Variants in RBM4B observed in about 807,000 individuals in gnomAD.
RBM4B encodes RNA binding motif protein 4B.
RBM4B carries 13 observed loss-of-function variants against 28.5 expected under a neutral mutation model. The ratio of observed to expected loss-of-function variants is 0.46; its 90% CI spans 0.30 to 0.72. The LOEUF is 0.72. Ranked by LOEUF, RBM4B falls within the 30% of genes least tolerant of loss-of-function variation. The probability of loss-of-function intolerance (pLI) is 0.09; values close to 1 mark genes in which losing one functional copy is unlikely to be tolerated. For synonymous variants in RBM4B, 167 were observed against 179.1 expected (o/e 0.93, Z 0.54); for missense variants, 387 against 477.6 (o/e 0.81, Z 1.77).
At chr11:66,670,641 A>C (rs1211222629) in intron 2 of RBM4B, among the ~76,000 whole-genome samples, 1 of 152,196 alleles carries the variant, frequency 6.6e-6, no homozygotes, top group Admixed American at 6.5e-5. Flanking sequence ...CCCAGGTTGC[A>C]CAAGACTCTC....
At chr11:66,674,123 T>A (rs1440435346) in intron 2 of RBM4B, among the ~76,000 whole-genome samples, 2 of 152,058 alleles carry the variant, frequency 1.3e-5, no homozygotes, top group Non-Finnish European at 2.9e-5. Context: ...ACCTGCCTTA[T>A]TAAAACACAT....
intron 2 of RBM4B, chr11:66,670,938 T>C: frequency 1.4e-6 from 1 of 702,574 alleles, no homozygotes. Context: ...TAACAGACCT[T>C]CTTCTGGATG....
intron 2 of RBM4B, among the ~76,000 whole-genome samples, chr11:66,671,343 C>T (rs1939457842): frequency 6.6e-6 from 1 of 152,184 alleles, no homozygotes. Flanking sequence ...ATTTCTGCCA[C>T]AATTTATATC....
Position 66,677,852 on chromosome 11 carries a change from C to T in RBM4B, c.-101G>A, listed in dbSNP as rs1234939250. On this transcript the variant is annotated 5_prime_UTR_variant, in exon 1 of 4. Coordinates refer to ENST00000310046, the MANE Select transcript of RBM4B (RefSeq NM_031492.4). Reference sequence around the variant, plus strand: ...CGCTCGAGCCTGGACGCGACCGGGCCCTTTCTCGCGCGCCAGCTCACGCAC... The same window carrying T: ...CGCTCGAGCCTGGACGCGACCGGGCTCTTTCTCGCGCGCCAGCTCACGCAC... 1 of 152,712 alleles carries T rather than the reference C, an allele frequency of 6.5e-6. No individual in the cohort carries two copies. The highest frequency in any genetic ancestry group is 2.4e-5 in the African/African-American group (1 of 41,478). 9.5% of individuals were successfully genotyped at this position (152,712 alleles called of 1,614,324 possible).
At chr11:66,671,047 G>A in intron 2 of RBM4B, 1 of 702,218 alleles carries the variant, frequency 1.4e-6, no homozygotes, top group Non-Finnish European at 2.6e-6. Flanking sequence ...CCCTGAGAGG[G>A]GAGCGGGTTA....
chr11:66,677,386 A>T, intron 1 of RBM4B: 1 of 447,458 alleles, frequency 2.2e-6, no homozygotes, highest in Non-Finnish European at 4.0e-6. Context: ...GAGGGAAGAG[A>T]AAAGCCCAAG....
intron 3 of RBM4B, chr11:66,665,871 T>A: frequency 6.5e-7 from 1 of 1,533,482 alleles, no homozygotes; most frequent in South Asian, 1.2e-5. Context: ...ATAACCCCTG[T>A]GACAGAAGGC....
At chr11:66,675,054 C>T (rs142337799) in intron 2 of RBM4B, among the ~76,000 whole-genome samples, 242 of 152,210 alleles carry the variant, frequency 1.6e-3, no homozygotes, top group African/African-American at 5.6e-3. Context: ...AATTAAGATA[C>T]TTTTAAAAGC....
In RBM4B at chr11:66,665,457, G is replaced by T; in HGVS notation, c.*131C>A. 1.3e-6 allele frequency: 1 copy of T among 768,804 alleles called. No homozygotes were observed. Among genetic ancestry groups the T allele is most frequent in the Non-Finnish European group, 2.2e-6 (1 of 456,846 alleles). 47.6% of individuals were successfully genotyped at this position (768,804 alleles called of 1,614,324 possible). A position where few individuals can be genotyped will look rare whatever the true frequency, so the allele number is the denominator to read the frequency against. ...AGAATTAAGAAAGAAAACATAGTTG[G>T]TCACAAACTCCTTTTGTTTACTGAA... On this transcript the variant is annotated 3_prime_UTR_variant, in exon 4 of 4. Transcript: ENST00000310046.
chr11:66,668,668 C>T lies in RBM4B; in HGVS notation c.1036G>A (p.Glu346Lys), dbSNP rs752286577. The T allele has an allele frequency of 1.2e-6, 2 of 1,613,832 alleles. No individual in the cohort carries two copies. Among genetic ancestry groups the T allele is most frequent in the South Asian group, 2.2e-5 (2 of 91,080 alleles). The stretch of plus-strand genomic sequence containing the variant: ...GCTCGGTCCACATACTGCTCCCGTT[C>T]ATACCGGGCCATGTCATACAGAGAA... ...RNSLYDMARY[E>K]REQYVDRARY... The change falls in exon 3 of 4, where the codon GAA becomes AAA. Residue 346 changes from glutamate (E) to lysine (K), a missense_variant. By Grantham distance (56) the Glu-to-Lys change is moderately conservative. Around this residue, in one of 2 missense-constraint regions of RBM4B, gnomAD observed 226 missense variants for 220.6 expected, o/e 1.02. Coordinates refer to ENST00000310046, the MANE Select transcript of RBM4B (RefSeq NM_031492.4).
At chr11:66,676,110 T>C (rs1179554502) in intron 2 of RBM4B, 1 of 154,808 alleles carries the variant, frequency 6.5e-6, no homozygotes, top group Non-Finnish European at 1.4e-5. Flanking sequence ...CCATGGCATG[T>C]TTTTTTGACT....
In RBM4B at chr11:66,669,050, G is replaced by T; in HGVS notation, c.654C>A (p.Leu218=). ...GGACCCGGTATCGCTTATAGTAGTC[G>T]AGTGCTCCATATGCATCGTTGTAAT... ...SMYYNDAYGA[L]DYYKRYRVRS... is the part of the protein sequence containing the mutation. The change falls in exon 3 of 4, where the codon CTC becomes CTA. Residue 218 remains leucine, a synonymous_variant. Coordinates refer to ENST00000310046, the MANE Select transcript of RBM4B (RefSeq NM_031492.4). The T allele has an allele frequency of 6.2e-7, 1 of 1,614,154 alleles. No individual in the cohort carries two copies. The highest frequency in any genetic ancestry group is 8.5e-7 in the Non-Finnish European group (1 of 1,180,028).
At chr11:66,667,520 A>G (rs556480345) in intron 3 of RBM4B, 1 of 152,350 alleles carries the variant, frequency 6.6e-6, no homozygotes, top group Non-Finnish European at 1.5e-5. Context: ...TTAAGTGCCC[A>G]TCTAGAACAA....
At position 66,665,496 on chromosome 11, in the gene RBM4B, G is replaced by T; in HGVS notation, c.*92C>A. 9.5e-7 allele frequency: 1 copy of T among 1,047,862 alleles called. No individual in the cohort carries two copies. The highest frequency in any genetic ancestry group is 1.4e-5 in the South Asian group (1 of 73,416). 64.9% of individuals were successfully genotyped at this position (1,047,862 alleles called of 1,614,324 possible). A position where few individuals can be genotyped will look rare whatever the true frequency, so the allele number is the denominator to read the frequency against. ...TTGTTTACTGAAACATGAAGCAATG[G>T]AAACATCCCGGCAAAGGGGACCGCG... On this transcript the variant is annotated 3_prime_UTR_variant, in exon 4 of 4. Transcript: ENST00000310046.
intron 2 of RBM4B, among the ~76,000 whole-genome samples, chr11:66,670,209 A>C (rs1410012992): frequency 6.6e-6 from 1 of 151,526 alleles, no homozygotes; most frequent in Non-Finnish European, 1.5e-5. Flanking sequence ...GACCTTTCAG[A>C]TTTCAGTTTA....
Position 66,669,072 on chromosome 11 carries a change from T to C in RBM4B, c.632A>G (p.Tyr211Cys), listed in dbSNP as rs1939369371. 6.2e-7 allele frequency: 1 copy of C among 1,614,084 alleles called. No homozygotes were observed. Among genetic ancestry groups the C allele is most frequent in the Admixed American group, 1.7e-5 (1 of 60,004 alleles). The change falls in exon 3 of 4, where the codon TAC becomes TGC. Residue 211 changes from tyrosine to cysteine, a missense_variant. Tyr to Cys is a radical substitution (Grantham distance 194, BLOSUM62 -2). This residue lies in a region of RBM4B where 226 missense variants were observed against 220.6 expected (regional missense o/e 1.02). Transcript: ENST00000310046. ...YTMGYGESMYYNDAYGALDYY... is the reference protein window; with the variant it reads ...YTMGYGESMYCNDAYGALDYY... ...GTCGAGTGCTCCATATGCATCGTTG[T>C]AATACATGGATTCCCCGTAGCCCAT...
At position 66,676,721 on chromosome 11, in the gene RBM4B, C is replaced by A; in HGVS notation, c.359G>T (p.Arg120Leu). 6.2e-7 allele frequency: 1 copy of A among 1,613,994 alleles called. No individual in the cohort carries two copies. The highest frequency in any genetic ancestry group is 8.5e-7 in the Non-Finnish European group (1 of 1,179,974). The part of the protein sequence containing the change: ...VKDYAFVHME[R>L]AEDAVEAIRG... ...GATGGCCTCCACTGCATCCTCTGCC[C>A]GCTCCATGTGTACGAAGGCATAATC... The change falls in exon 2 of 4, where the codon CGG becomes CTG. Residue 120 changes from arginine (R) to leucine (L), a missense_variant. Arg to Leu is a moderately radical substitution (Grantham distance 102). Transcript: ENST00000310046.
rs985034743 is a variant in RBM4B at position 66,677,839 on chromosome 11, G to A, written c.-88C>T. The A allele has an allele frequency of 2.0e-5, 3 of 152,716 alleles. No homozygotes were observed. Among genetic ancestry groups the A allele is most frequent in the African/African-American group, 7.2e-5 (3 of 41,476 alleles). 9.5% of individuals were successfully genotyped at this position (152,716 alleles called of 1,614,324 possible). A position where few individuals can be genotyped will look rare whatever the true frequency, so the allele number is the denominator to read the frequency against. Reference sequence around the variant, plus strand: ...AAATGGCGACGGCCGCTCGAGCCTGGACGCGACCGGGCCCTTTCTCGCGCG... The same window carrying A: ...AAATGGCGACGGCCGCTCGAGCCTGAACGCGACCGGGCCCTTTCTCGCGCG... On this transcript the variant is annotated 5_prime_UTR_variant, in exon 1 of 4. Transcript: ENST00000310046.
At chr11:66,666,362 A>G in intron 3 of RBM4B, 1 of 1,006,114 alleles carries the variant, frequency 9.9e-7, no homozygotes, top group African/African-American at 1.7e-5. Flanking sequence ...TTCTTGGATC[A>G]GTTCTGCTAG....
Sources: allele counts gnomAD v4.1 joint callset (sites outside exome capture counted in the v4.1 genomes callset), GRCh38; gene constraint gnomAD v4.1.1; regional missense constraint gnomAD v4.1.1; transcripts MANE v1.5; gene names NCBI Gene and HGNC (gene_info 2026-07-23, HGNC 2026-07-21).